The following DCC variants were observed in gnomAD, a reference collection of about 807,000 sequenced individuals.
The protein encoded by DCC is DCC netrin 1 receptor, also known as netrin receptor DCC.
DCC carries 58 observed loss-of-function variants against 172.5 expected under a neutral mutation model. That is an observed-to-expected ratio of 0.34 (90% CI 0.27 to 0.42). The LOEUF (loss-of-function observed/expected upper bound fraction) is 0.42. Ranked by LOEUF, DCC falls within the 10% of genes least tolerant of loss-of-function variation. The pLI is 1.00. For missense variants in DCC, 1,740 were observed against 1,791.0 expected (o/e 0.97, Z 0.51); for synonymous variants, 709 against 644.5 (o/e 1.10, Z -1.52).
At chr18:53,376,255 G>A (rs1160377052) in intron 15 of DCC, among the ~76,000 whole-genome samples, 1 of 151,984 alleles carries the variant, frequency 6.6e-6, no homozygotes, top group Admixed American at 6.6e-5. Flanking sequence ...GTGTTGGTGG[G>A]TGCCTGTACT....
At chr18:53,442,090 T>A (rs943215629) in intron 22 of DCC, among the ~76,000 whole-genome samples, 1 of 152,172 alleles carries the variant, frequency 6.6e-6, no homozygotes, top group Non-Finnish European at 1.5e-5. Flanking sequence ...CCATACATTC[T>A]CATTGTTATA....
chr18:53,255,719 T>A (rs1246751670), intron 12 of DCC, among the ~76,000 whole-genome samples: 1 of 152,098 alleles, frequency 6.6e-6, no homozygotes, highest in Non-Finnish European at 1.5e-5. Flanking sequence ...TTCCTTTGGG[T>A]ATATACCCAG....
chr18:53,128,385 G>T (rs184789377), intron 7 of DCC, among the ~76,000 whole-genome samples: 2 of 152,136 alleles, frequency 1.3e-5, no homozygotes, highest in African/African-American at 2.4e-5. Context: ...GCTTCAAAGC[G>T]TATTTTTCCT....
chr18:53,014,879 G>C (rs2041786367), intron 5 of DCC, among the ~76,000 whole-genome samples: 1 of 152,086 alleles, frequency 6.6e-6, no homozygotes. Context: ...CTGTGTGATG[G>C]AGTAATGTAG....
At chr18:52,510,832 T>G (rs944148682) in intron 1 of DCC, among the ~76,000 whole-genome samples, 1 of 152,092 alleles carries the variant, frequency 6.6e-6, no homozygotes, top group African/African-American at 2.4e-5. Context: ...AATCACCTAT[T>G]GTATGTTTCT....
intron 5 of DCC, among the ~76,000 whole-genome samples, chr18:53,053,363 G>T (rs2144045697): frequency 6.6e-6 from 1 of 152,142 alleles, no homozygotes; most frequent in Non-Finnish European, 1.5e-5. Context: ...TGATTTTGTT[G>T]TTTTTATTTG....
Position 53,080,894 on chromosome 18 carries a change from G to A in DCC, c.1261+14728G>A, listed in dbSNP as rs914195587. The stretch of plus-strand genomic sequence containing the variant: ...CATGCATCTTTAGTTCCTTGATAGG[G>A]TATAAGTGAGTCATTCTCCTACTGA... On this transcript the variant is annotated intron_variant, in intron 7 of 28. Coordinates refer to ENST00000442544, the MANE Select transcript of DCC (RefSeq NM_005215.4). Among the ~76,000 whole-genome samples the A allele has an allele frequency of 2.0e-5, 3 of 151,982 alleles. No homozygotes were observed. The South Asian group carries it at 6.2e-4, about 32-fold the overall frequency.
chr18:53,284,530 C>G (rs1487345205), intron 12 of DCC, among the ~76,000 whole-genome samples: 1 of 152,146 alleles, frequency 6.6e-6, no homozygotes, highest in Non-Finnish European at 1.5e-5. Context: ...TGTGAGGTCT[C>G]CCAGCCACAT....
chr18:52,487,810 CAAAA>C (rs5824940), intron 1 of DCC, among the ~76,000 whole-genome samples: 5,830 of 74,148 alleles, frequency 0.079, 129 homozygotes, highest in East Asian at 0.13. Context: ...GACTCCACCT[CAAAA>C]AAAAAAAAAA....
intron 1 of DCC, among the ~76,000 whole-genome samples, chr18:52,470,390 A>G (rs976310297): frequency 6.6e-6 from 1 of 152,314 alleles, no homozygotes; most frequent in East Asian, 1.9e-4. Flanking sequence ...TGCAAGACCT[A>G]GAATGTACCT....
intron 7 of DCC, among the ~76,000 whole-genome samples, chr18:53,094,491 C>CA (rs1455500681): frequency 6.6e-6 from 1 of 152,140 alleles, no homozygotes; most frequent in Non-Finnish European, 1.5e-5. Flanking sequence ...TTTTTGACAA[C>CA]ACATCACGAG....
intron 1 of DCC, among the ~76,000 whole-genome samples, chr18:52,369,864 G>A (rs1367228219): frequency 6.6e-6 from 1 of 152,100 alleles, no homozygotes; most frequent in Non-Finnish European, 1.5e-5. Flanking sequence ...TACTACGTTT[G>A]AGTCAACCTG....
intron 18 of DCC, among the ~76,000 whole-genome samples, chr18:53,401,506 A>C (rs1909291605): frequency 6.6e-6 from 1 of 152,164 alleles, no homozygotes; most frequent in Admixed American, 6.5e-5. Flanking sequence ...TTGGAACACT[A>C]TTCAGGAAGA....
Position 52,368,321 on chromosome 18 carries a change from A to G in DCC, c.91+27443A>G, listed in dbSNP as rs10469010. 1.3e-3 allele frequency among the ~76,000 whole-genome samples: 194 copies of G among 152,050 alleles called. 1 individual carries two copies. Among genetic ancestry groups the G allele is most frequent in the African/African-American group, 4.4e-3 (183 of 41,440 alleles). Reference sequence around the variant, plus strand: ...GTCTGTGTTTCTTTCTATTTCTTTTAGAATTGGTAAGTAGTTGTTTTGGGG... The same window carrying G: ...GTCTGTGTTTCTTTCTATTTCTTTTGGAATTGGTAAGTAGTTGTTTTGGGG... On this transcript the variant is annotated intron_variant, in intron 1 of 28. Transcript: ENST00000442544.
chr18:52,924,670 T>C (rs954711511), intron 4 of DCC, among the ~76,000 whole-genome samples: 6 of 152,094 alleles, frequency 3.9e-5, no homozygotes, highest in African/African-American at 1.4e-4. Context: ...CCATCAATCA[T>C]AAATTAATCT....
intron 15 of DCC, among the ~76,000 whole-genome samples, chr18:53,346,979 C>T (rs1298051848): frequency 6.0e-4 from 91 of 152,128 alleles, no homozygotes; most frequent in Non-Finnish European, 1.5e-5. Flanking sequence ...GCTTTCTCTT[C>T]ACAGCAATTA....
At chr18:53,398,203 TA>T (rs898286351) in intron 18 of DCC, among the ~76,000 whole-genome samples, 167 of 152,220 alleles carry the variant, frequency 1.1e-3, no homozygotes, top group African/African-American at 3.8e-3. Context: ...TTTCAAATTT[TA>T]AAAAAATGCT....
At chr18:52,903,981 C>A (rs1350308503) in intron 2 of DCC, among the ~76,000 whole-genome samples, 2 of 152,254 alleles carry the variant, frequency 1.3e-5, no homozygotes, top group Admixed American at 1.3e-4. Context: ...TTTCGTTCTT[C>A]ACCCAGTGGT....
intron 5 of DCC, among the ~76,000 whole-genome samples, chr18:53,022,036 A>T (rs549597908): frequency 6.6e-6 from 1 of 152,300 alleles, no homozygotes; most frequent in South Asian, 2.1e-4. Flanking sequence ...TCCAGGTTAT[A>T]TTAATATTCT....
Sources: gnomAD v4.1 joint callset for allele counts (sites outside exome capture counted in the v4.1 genomes callset) on GRCh38, gnomAD v4.1.1 for gene constraint, MANE v1.5 for transcripts, NCBI Gene and HGNC (gene_info 2026-07-23, HGNC 2026-07-21) for gene names.